The following DCAKD variants were observed in gnomAD, a reference collection of about 807,000 sequenced individuals.
DCAKD encodes the protein dephospho-CoA kinase domain containing.
DCAKD carries 15 observed loss-of-function variants against 18.7 expected under a neutral mutation model. The observed-to-expected ratio is 0.80, with a 90% CI of 0.54 to 1.24. The LOEUF (loss-of-function observed/expected upper bound fraction) is 1.24, where lower values mean the gene tolerates loss of function less well. Among genes scored for constraint, DCAKD ranks in the 50% most tolerant of loss-of-function variants. The probability of loss-of-function intolerance (pLI) is 0.00; values close to 1 mark genes in which losing one functional copy is unlikely to be tolerated. For missense variants in DCAKD, 301 were observed against 322.0 expected (o/e 0.93, Z 0.50); for synonymous variants, 130 against 133.0 (o/e 0.98, Z 0.16).
intron 1 of DCAKD, among the ~76,000 whole-genome samples, chr17:45,057,793 C>A (rs1455610443): frequency 1.3e-5 from 2 of 151,666 alleles, no homozygotes; most frequent in Admixed American, 1.3e-4. Flanking sequence ...GGCGGATCAC[C>A]TGAGGTCAGG....
Position 45,024,307 on chromosome 17 carries a change from G to T in DCAKD, c.*126C>A. 2 of 540,004 alleles carry T rather than the reference G, an allele frequency of 3.7e-6. No homozygotes were observed. The highest frequency in any genetic ancestry group is 2.9e-6 in the Non-Finnish European group (1 of 339,674). 33.5% of individuals were successfully genotyped at this position (540,004 alleles called of 1,614,324 possible). A position where few individuals can be genotyped will look rare whatever the true frequency, so the allele number is the denominator to read the frequency against. On this transcript the variant is annotated 3_prime_UTR_variant, in exon 5 of 5. Transcript: ENST00000651974. ...AGTCCGTGTGTGTGTGTGTGTGTGT[G>T]TGTGTGTGTGTGTGTGTGTGTGTGT...
chr17:45,054,206 A>G, upstream of DCAKD: 2 of 508,704 alleles, frequency 3.9e-6, no homozygotes, highest in Admixed American at 4.0e-5. Context: ...GTATACATGT[A>G]CATGTCCCAT....
intron 1 of DCAKD, 53 bp downstream of exon 1, chr17:45,051,308 T>G (rs990820056): frequency 2.0e-5 from 3 of 152,242 alleles, no homozygotes; most frequent in Non-Finnish European, 4.4e-5. Flanking sequence ...AATAACACGT[T>G]GCTTGGTAGG....
intron 1 of DCAKD, among the ~76,000 whole-genome samples, chr17:45,041,434 C>T (rs750488912): frequency 3.9e-5 from 6 of 152,054 alleles, no homozygotes; most frequent in Non-Finnish European, 5.9e-5. Flanking sequence ...CCTCAGCCTC[C>T]CAAGCAGCTG....
At chr17:45,052,045 G>A, upstream of DCAKD, among the ~76,000 whole-genome samples, 1 of 89,446 alleles carries the variant, frequency 1.1e-5, no homozygotes, top group Non-Finnish European at 2.5e-5. Flanking sequence ...GGGAGAGGTT[G>A]GGCGGGCGGG....
At chr17:45,042,810 C>CA (rs956462725) in intron 1 of DCAKD, among the ~76,000 whole-genome samples, 7 of 152,228 alleles carry the variant, frequency 4.6e-5, no homozygotes, top group African/African-American at 1.7e-4. Flanking sequence ...TCCAGGCTGC[C>CA]AGTTACCTGG....
intron 1 of DCAKD, among the ~76,000 whole-genome samples, chr17:45,046,763 A>G (rs940825100): frequency 2.6e-5 from 4 of 151,868 alleles, no homozygotes; most frequent in African/African-American, 9.7e-5. Flanking sequence ...TAAATTTCCA[A>G]CTCAATTCCC....
At chr17:45,026,670 C>G (rs754536391) in intron 4 of DCAKD, 22 of 985,424 alleles carry the variant, frequency 2.2e-5, no homozygotes, top group Non-Finnish European at 2.7e-5. Flanking sequence ...AGGCCAAAAA[C>G]AAATGCAGCC....
chr17:45,049,771 G>GTGCA (rs1290875982), intron 1 of DCAKD, among the ~76,000 whole-genome samples: 1 of 139,480 alleles, frequency 7.2e-6, no homozygotes, highest in African/African-American at 2.7e-5. Flanking sequence ...CCAGGCTGGA[G>GTGCA]TGCAGTGGCA....
intron 1 of DCAKD, among the ~76,000 whole-genome samples, chr17:45,039,538 G>A (rs1379107602): frequency 2.0e-5 from 3 of 152,226 alleles, no homozygotes; most frequent in Admixed American, 1.3e-4. Flanking sequence ...GACTGGAAGT[G>A]GAAAGTCCTG....
upstream of DCAKD, among the ~76,000 whole-genome samples, chr17:45,052,813 T>G (rs906387753): frequency 4.0e-5 from 6 of 148,284 alleles, no homozygotes; most frequent in African/African-American, 1.5e-4. Flanking sequence ...CAGAGAGCCA[T>G]GATGGTACCA....
At chr17:45,043,765 A>C (rs2053494456) in intron 1 of DCAKD, among the ~76,000 whole-genome samples, 1 of 152,166 alleles carries the variant, frequency 6.6e-6, no homozygotes, top group African/African-American at 2.4e-5. Flanking sequence ...GTTTTTCTAT[A>C]CAATTCTGGG....
At chr17:45,053,172 A>T (rs1269726230), upstream of DCAKD, among the ~76,000 whole-genome samples, 241 of 89,312 alleles carry the variant, frequency 2.7e-3, 1 homozygote, top group Middle Eastern at 0.013. Context: ...CTCCAGTTAA[A>T]AAAAAAAAAA....
intron 4 of DCAKD, among the ~76,000 whole-genome samples, chr17:45,027,078 CAT>C (rs2053071140): frequency 6.6e-6 from 1 of 152,234 alleles, no homozygotes; most frequent in Admixed American, 6.5e-5. Context: ...CACAGTGGCT[CAT>C]GCCTATAATC....
intron 1 of DCAKD, 74 bp from the exon 2 acceptor site, chr17:45,035,073 A>C: frequency 1.7e-6 from 1 of 598,312 alleles, no homozygotes; most frequent in Admixed American, 2.8e-5. Context: ...AAGGAAGTAA[A>C]GGGAGACAGC....
intron 1 of DCAKD, among the ~76,000 whole-genome samples, chr17:45,059,323 TG>T (rs372858534): frequency 2.0e-5 from 3 of 152,344 alleles, no homozygotes; most frequent in African/African-American, 7.2e-5. Flanking sequence ...CTGAGTCAGA[TG>T]GGAACTGTTT....
intron 3 of DCAKD, chr17:45,031,372 C>CA: frequency 1.0e-6 from 1 of 983,302 alleles, no homozygotes; most frequent in Non-Finnish European, 1.2e-6. Context: ...GTAGCCCCCC[C>CA]ACCTTCCCCA....
intron 1 of DCAKD, among the ~76,000 whole-genome samples, chr17:45,046,269 C>T (rs927641397): frequency 1.2e-4 from 19 of 152,094 alleles, no homozygotes; most frequent in Admixed American, 9.8e-4. Flanking sequence ...TCCCAGCAGG[C>T]GGAACTAGAG....
At chr17:45,041,674 G>A (rs2053440143) in intron 1 of DCAKD, among the ~76,000 whole-genome samples, 1 of 152,072 alleles carries the variant, frequency 6.6e-6, no homozygotes, top group South Asian at 2.1e-4. Flanking sequence ...ACTCACCTCA[G>A]GGCTAACTAC....
Sources: allele counts gnomAD v4.1 joint callset (sites outside exome capture counted in the v4.1 genomes callset), GRCh38; gene constraint gnomAD v4.1.1; transcripts MANE v1.5; gene names NCBI Gene and HGNC (gene_info 2026-07-23, HGNC 2026-07-21).